MYMX: variants seen among roughly 807,000 people sequenced by gnomAD.
MYMX encodes myomixer, myoblast fusion factor, also known as protein myomixer.
At position 44,217,340 on chromosome 6, in the gene MYMX, G is replaced by A. The variant is rs148009460; in HGVS notation, c.-22-110G>A. 1.0e-3 allele frequency: 409 copies of A among 397,674 alleles called. 6 individuals are homozygous for A. The East Asian group carries it at 0.014, about 14-fold the overall frequency. The allele number at this position is 397,674 out of a possible 1,614,324, so 24.6% of individuals were successfully genotyped here. Reference sequence around the variant, plus strand: ...AAAATGACCTACAAATTGAGGTCAGGAGCAGGAAGGTGTAAACTGAAGGGA... The same window carrying A: ...AAAATGACCTACAAATTGAGGTCAGAAGCAGGAAGGTGTAAACTGAAGGGA... On this transcript the variant is annotated intron_variant, in intron 1 of 1. Coordinates refer to ENST00000573382, the MANE Select transcript of MYMX (RefSeq NM_001315494.2).
chr6:44,211,349 C>T, the MYMX span, among the ~76,000 whole-genome samples: 2 of 151,886 alleles, frequency 1.3e-5, no homozygotes, highest in South Asian at 2.1e-4. Flanking sequence ...TGCATACTTT[C>T]GGTTAGGAAA....
In MYMX at chr6:44,217,878, A is replaced by C. The variant is rs1354022441; in HGVS notation, c.*152A>C. The stretch of plus-strand genomic sequence containing the variant: ...GGATCTGCCACAGACATGCCTCTCC[A>C]CTCCCAACAGAAATGTCTTTCTGGA... On this transcript the variant is annotated 3_prime_UTR_variant, in exon 2 of 2. Transcript: ENST00000573382. 2 of 398,690 alleles carry C rather than the reference A, an allele frequency of 5.0e-6. No individual in the cohort carries two copies. Among genetic ancestry groups the C allele is most frequent in the Non-Finnish European group, 4.4e-6 (1 of 226,094 alleles). 24.7% of individuals were successfully genotyped at this position (398,690 alleles called of 1,614,324 possible).
chr6:44,216,652 CAAA>C (rs547725984), upstream of MYMX, among the ~76,000 whole-genome samples: 4,091 of 117,258 alleles, frequency 0.035, 200 homozygotes, highest in African/African-American at 0.12. Flanking sequence ...AACTCTGTCT[CAAA>C]AAAAAAAAAA....
At chr6:44,199,401 T>A in the MYMX span, among the ~76,000 whole-genome samples, 2 of 152,038 alleles carry the variant, frequency 1.3e-5, no homozygotes, top group Admixed American at 1.3e-4. Flanking sequence ...TTTCATCATG[T>A]TGCCCAGGCT....
chr6:44,204,187 G>C, the MYMX span, among the ~76,000 whole-genome samples: 1 of 152,160 alleles, frequency 6.6e-6, no homozygotes, highest in African/African-American at 2.4e-5. Context: ...TAACCAACAA[G>C]ATAAGGAAGT....
At chr6:44,216,652 C>CAAAA (rs547725984), upstream of MYMX, among the ~76,000 whole-genome samples, 2 of 117,280 alleles carry the variant, frequency 1.7e-5, no homozygotes, top group Non-Finnish European at 3.5e-5. Flanking sequence ...AACTCTGTCT[C>CAAAA]AAAAAAAAAA....
upstream of MYMX, among the ~76,000 whole-genome samples, chr6:44,216,588 GT>G (rs1442302755): frequency 2.0e-5 from 3 of 147,692 alleles, no homozygotes; most frequent in Non-Finnish European, 4.4e-5. Flanking sequence ...GGAGGCAGAG[GT>G]TGCAATGAGC....
At chr6:44,211,083 A>G in the MYMX span, among the ~76,000 whole-genome samples, 1 of 152,248 alleles carries the variant, frequency 6.6e-6, no homozygotes. Context: ...CCACTGGGCA[A>G]TACAGCAAGA....
chr6:44,205,993 C>CAA, the MYMX span, among the ~76,000 whole-genome samples: 1 of 74,864 alleles, frequency 1.3e-5, no homozygotes, highest in Non-Finnish European at 2.8e-5. Context: ...AAAAAAAAAA[C>CAA]AAAACAAAAA....
At chr6:44,213,202 G>A (rs1417097305), upstream of MYMX, among the ~76,000 whole-genome samples, 1 of 151,584 alleles carries the variant, frequency 6.6e-6, no homozygotes, top group African/African-American at 2.4e-5. Flanking sequence ...TGGCCAACAT[G>A]ATGAAACCCC....
At chr6:44,216,212 C>A (rs555819258), upstream of MYMX, among the ~76,000 whole-genome samples, 1 of 152,368 alleles carries the variant, frequency 6.6e-6, no homozygotes, top group Non-Finnish European at 1.5e-5. Flanking sequence ...AGTCTGCAGA[C>A]TCACTGCTTC....
the MYMX span, chr6:44,209,977 T>C: frequency 0.83 from 121,946 of 147,052 alleles, 50,762 homozygotes; most frequent in African/African-American, 0.89. Context: ...GAAGGAGTGT[T>C]GCTCTGTCAC....
the MYMX span, among the ~76,000 whole-genome samples, chr6:44,201,321 C>T: frequency 6.6e-6 from 1 of 152,192 alleles, no homozygotes; most frequent in Non-Finnish European, 1.5e-5. Context: ...CCCACCCACA[C>T]TGCCTATACC....
chr6:44,209,662 C>T, the MYMX span: 1 of 152,086 alleles, frequency 6.6e-6, no homozygotes, highest in Admixed American at 6.5e-5. Flanking sequence ...GCCTGTAATC[C>T]CATCACTTTG....
At chr6:44,206,006 A>AAAAC in the MYMX span, among the ~76,000 whole-genome samples, 4 of 148,038 alleles carry the variant, frequency 2.7e-5, no homozygotes, top group Non-Finnish European at 4.5e-5. Context: ...AACAAAAAAA[A>AAAAC]ACCTCATTTT....
the MYMX span, among the ~76,000 whole-genome samples, chr6:44,206,026 T>C: frequency 6.8e-6 from 1 of 147,210 alleles, no homozygotes; most frequent in African/African-American, 2.5e-5. Context: ...TTGTTGTTGT[T>C]GTTGTTTCTT....
upstream of MYMX, among the ~76,000 whole-genome samples, chr6:44,216,275 C>T (rs141138649): frequency 7.2e-4 from 110 of 152,304 alleles, no homozygotes; most frequent in African/African-American, 2.4e-3. Flanking sequence ...TTACTCCTTC[C>T]AGTTACTCCC....
the MYMX span, among the ~76,000 whole-genome samples, chr6:44,202,157 C>A: frequency 1.3e-5 from 2 of 152,174 alleles, no homozygotes; most frequent in Admixed American, 1.3e-4. Context: ...ATCATTCCTG[C>A]TTTCCCCATC....
the MYMX span, chr6:44,209,663 C>T: frequency 6.6e-6 from 1 of 152,032 alleles, no homozygotes; most frequent in East Asian, 1.9e-4. Context: ...CCTGTAATCC[C>T]ATCACTTTGG....
Sources: allele counts gnomAD v4.1 joint callset (sites outside exome capture counted in the v4.1 genomes callset), GRCh38; gene constraint gnomAD v4.1.1; transcripts MANE v1.5; gene names NCBI Gene and HGNC (gene_info 2026-07-23, HGNC 2026-07-21).